CFAP92: variants seen among roughly 807,000 people sequenced by gnomAD.
CFAP92 encodes the protein uncharacterized protein CFAP92.
In CFAP92, 86 loss-of-function variants were observed where a neutral mutation model predicts 106.3. The observed-to-expected ratio is 0.81, with a 90% confidence interval of 0.68 to 0.97. The LOEUF is 0.97. Among genes scored for constraint, CFAP92 ranks in the 50% least tolerant of loss-of-function variants. CFAP92 has a pLI of 0.00. For synonymous variants in CFAP92, 477 were observed against 506.4 expected (o/e 0.94, Z 0.78); for missense variants, 1,204 against 1,283.8 (o/e 0.94, Z 0.95).
At chr3:129,019,032 G>A in the CFAP92 span, among the ~76,000 whole-genome samples, 19 of 152,290 alleles carry the variant, frequency 1.2e-4, no homozygotes, top group East Asian at 1.7e-3. Context: ...CCACACCACC[G>A]TGCAGCAGCC....
the CFAP92 span, among the ~76,000 whole-genome samples, chr3:129,026,741 A>G: frequency 6.6e-6 from 1 of 151,988 alleles, no homozygotes; most frequent in Non-Finnish European, 1.5e-5. Context: ...GAGTAGGGAG[A>G]TACTGGCACC....
chr3:128,978,407 A>C, intron 4 of CFAP92: 1 of 393,634 alleles, frequency 2.5e-6, no homozygotes, highest in Non-Finnish European at 4.4e-6. Flanking sequence ...ATATCTAAAA[A>C]AAAATGTACA....
At chr3:129,000,682 G>A (rs558511248) in intron 1 of CFAP92, among the ~76,000 whole-genome samples, 1 of 152,284 alleles carries the variant, frequency 6.6e-6, no homozygotes, top group South Asian at 2.1e-4. Context: ...TAAAACACCA[G>A]AAAAAAACAT....
intron 12 of CFAP92, among the ~76,000 whole-genome samples, chr3:128,919,309 A>T (rs1264355019): frequency 6.6e-6 from 1 of 151,974 alleles, no homozygotes; most frequent in East Asian, 1.9e-4. Context: ...TACAGGTTTG[A>T]CAACTAAAGG....
At chr3:128,971,880 A>C (rs1942825020) in intron 7 of CFAP92, among the ~76,000 whole-genome samples, 1 of 152,194 alleles carries the variant, frequency 6.6e-6, no homozygotes, top group Non-Finnish European at 1.5e-5. Context: ...CCTGCCTTCT[A>C]GGACACTGAG....
At chr3:128,986,741 G>A (rs565188252) in intron 4 of CFAP92, among the ~76,000 whole-genome samples, 1 of 152,294 alleles carries the variant, frequency 6.6e-6, no homozygotes, top group East Asian at 1.9e-4. Context: ...AGAAACGTAT[G>A]TTCAGGAACA....
intron 10 of CFAP92, among the ~76,000 whole-genome samples, chr3:128,942,799 A>G (rs1209045630): frequency 1.3e-5 from 2 of 148,468 alleles, no homozygotes; most frequent in Non-Finnish European, 3.0e-5. Context: ...TCAGCCTCCC[A>G]AGTTCCCAAG....
intron 11 of CFAP92, among the ~76,000 whole-genome samples, chr3:128,933,587 G>A (rs1244072430): frequency 1.3e-5 from 2 of 152,234 alleles, no homozygotes; most frequent in African/African-American, 4.8e-5. Context: ...GTAGGTGCCT[G>A]CCTTTGCACT....
intron 9 of CFAP92, among the ~76,000 whole-genome samples, chr3:128,959,944 C>G (rs1941751663): frequency 6.6e-6 from 1 of 152,214 alleles, no homozygotes; most frequent in African/African-American, 2.4e-5. Flanking sequence ...TGACATTCCA[C>G]CATTGTGATT....
intron 11 of CFAP92, among the ~76,000 whole-genome samples, chr3:128,934,146 A>C (rs1283308474): frequency 6.6e-6 from 1 of 150,802 alleles, no homozygotes; most frequent in East Asian, 2.0e-4. Context: ...TCTTTATGTC[A>C]TCTCTGCTTC....
intron 12 of CFAP92, among the ~76,000 whole-genome samples, chr3:128,931,840 C>G (rs544967203): frequency 6.6e-6 from 1 of 151,676 alleles, no homozygotes; most frequent in African/African-American, 2.4e-5. Context: ...CTAGGCAACA[C>G]AGCAAGACCC....
the CFAP92 span, among the ~76,000 whole-genome samples, chr3:129,020,916 T>G: frequency 3.3e-5 from 5 of 152,054 alleles, no homozygotes; most frequent in Non-Finnish European, 7.4e-5. Context: ...CCCACAGGGG[T>G]GGGCACCTCG....
the CFAP92 span, among the ~76,000 whole-genome samples, chr3:129,023,478 G>A: frequency 2.6e-5 from 4 of 152,038 alleles, no homozygotes; most frequent in Non-Finnish European, 4.4e-5. Flanking sequence ...ACAGGCGCCC[G>A]CCACCATGCC....
chr3:128,958,472 C>T (rs543074659), intron 9 of CFAP92, among the ~76,000 whole-genome samples: 20 of 152,292 alleles, frequency 1.3e-4, no homozygotes, highest in Middle Eastern at 3.4e-3. Flanking sequence ...TTATGAAACA[C>T]CTAATTACTG....
At chr3:128,987,925 G>T in intron 3 of CFAP92, 96 bp from the exon 4 acceptor site, 1 of 1,036,674 alleles carries the variant, frequency 9.6e-7, no homozygotes, top group Non-Finnish European at 1.4e-6. Flanking sequence ...GCCCTCAGCA[G>T]CAGCGCTGCC....
intron 12 of CFAP92, among the ~76,000 whole-genome samples, chr3:128,918,940 A>ATTTTTTTTTTTTTTTT (rs10573280): frequency 1.9e-5 from 2 of 105,872 alleles, no homozygotes; most frequent in African/African-American, 7.6e-5. Flanking sequence ...CTCAGATTGG[A>ATTTTTTTTTTTTTTTT]TTTTTTTTTT....
chr3:129,012,967 A>G, the CFAP92 span, among the ~76,000 whole-genome samples: 1 of 152,234 alleles, frequency 6.6e-6, no homozygotes, highest in Non-Finnish European at 1.5e-5. Flanking sequence ...GGTCTCATCC[A>G]AAGAGAGAAT....
In CFAP92 at chr3:128,909,970, G is replaced by A. The variant is rs115174494; in HGVS notation, c.*329C>T. The A allele has an allele frequency of 0.016, 24,937 of 1,605,254 alleles. 209 individuals carry two copies. Among genetic ancestry groups the A allele is most frequent in the Non-Finnish European group, 0.018 (21,144 of 1,176,444 alleles). Reference sequence around the variant, plus strand: ...GATGCAGCCCAGGGAGGGACCATGTGGGGGACTGGTCTAGGTAGTGAGTCC... The same window carrying A: ...GATGCAGCCCAGGGAGGGACCATGTAGGGGACTGGTCTAGGTAGTGAGTCC... On this transcript the variant is annotated 3_prime_UTR_variant, in exon 16 of 16. Transcript: ENST00000645291.
chr3:128,993,068 G>C lies in CFAP92; in HGVS notation c.237C>G (p.Ile79Met). ...CCATATTCACAGGGAAGGCCAGTGAGATGGTGAATTTGCAGGGGACCACGT... is the reference window on the plus strand; with the variant it reads ...CCATATTCACAGGGAAGGCCAGTGACATGGTGAATTTGCAGGGGACCACGT... ...VPHVVPCKFT[I>M]SLAFPVNMGQ... The change falls in exon 2 of 16, where the codon ATC becomes ATG. Residue 79 changes from isoleucine to methionine, a missense_variant. Transcript: ENST00000645291. 1 of 1,614,102 alleles carries C rather than the reference G, an allele frequency of 6.2e-7. No individual in the cohort carries two copies. The highest frequency in any genetic ancestry group is 8.5e-7 in the Non-Finnish European group (1 of 1,179,912).
Sources: gnomAD v4.1 joint callset for allele counts (sites outside exome capture counted in the v4.1 genomes callset) on GRCh38, gnomAD v4.1.1 for gene constraint, MANE v1.5 for transcripts, NCBI Gene and HGNC (gene_info 2026-07-23, HGNC 2026-07-21) for gene names.